The following ZC3HAV1 variants were observed in gnomAD, a reference collection of about 807,000 sequenced individuals.
The protein encoded by ZC3HAV1 is zinc finger CCCH-type antiviral protein 1.
ZC3HAV1 carries 41 observed loss-of-function variants against 86.6 expected under a neutral mutation model. The ratio of observed to expected loss-of-function variants is 0.47; its 90% CI spans 0.37 to 0.61. The LOEUF (loss-of-function observed/expected upper bound fraction) is 0.61. Among genes scored for constraint, ZC3HAV1 ranks in the 20% least tolerant of loss-of-function variants. The pLI, the probability that ZC3HAV1 is intolerant of heterozygous loss-of-function variation, is 0.00. For synonymous variants in ZC3HAV1, 421 were observed against 432.1 expected, an observed-to-expected ratio of 0.97 and a Z score of 0.32; for missense variants, 964 against 1,141.1, an observed-to-expected ratio of 0.84 and a Z score of 2.24.
At chr7:139,056,226 C>T (rs1167290332) in intron 9 of ZC3HAV1, among the ~76,000 whole-genome samples, 1 of 152,132 alleles carries the variant, frequency 6.6e-6, no homozygotes, top group African/African-American at 2.4e-5. Context: ...TCATGGCTCA[C>T]TATATCCTCA....
Position 139,080,258 on chromosome 7 carries a change from A to T in ZC3HAV1, c.698-15T>A. ...TGAAGAAGGAGCTAAGGGGAAAAAAAGCCAAAATGAAACAAAATAATGAAC... is the reference window on the plus strand; with the variant it reads ...TGAAGAAGGAGCTAAGGGGAAAAAATGCCAAAATGAAACAAAATAATGAAC... On this transcript the variant is annotated splice_polypyrimidine_tract_variant and intron_variant, in intron 3 of 12. Transcript: ENST00000242351. The T allele has an allele frequency of 6.2e-7, 1 of 1,611,276 alleles. No individual in the cohort carries two copies.
At chr7:139,097,926 A>C (rs929369395) in intron 1 of ZC3HAV1, among the ~76,000 whole-genome samples, 1 of 150,708 alleles carries the variant, frequency 6.6e-6, no homozygotes, top group Non-Finnish European at 1.5e-5. Context: ...ATTTATCAAA[A>C]CTCTTTAAAC....
At chr7:139,094,755 C>T (rs1406810147) in intron 1 of ZC3HAV1, among the ~76,000 whole-genome samples, 1 of 152,162 alleles carries the variant, frequency 6.6e-6, no homozygotes, top group Non-Finnish European at 1.5e-5. Context: ...TAACCTAACC[C>T]TGGGCCACAC....
chr7:139,109,629 G>T lies in ZC3HAV1; in HGVS notation c.-298C>A. 1 of 333,328 alleles carries T rather than the reference G, an allele frequency of 3.0e-6. No homozygotes were observed. The highest frequency in any genetic ancestry group is 5.5e-6 in the Non-Finnish European group (1 of 181,274). The allele number at this position is 333,328 out of a possible 1,614,324, so 20.6% of individuals were successfully genotyped here. A position where few individuals can be genotyped will look rare whatever the true frequency, so the allele number is the denominator to read the frequency against. Reference sequence around the variant, plus strand: ...GGGCAAATCTGCTGGTGACCGCCTGGGGTGGCCCCCTCTCGGTTCTAGGCT... The same window carrying T: ...GGGCAAATCTGCTGGTGACCGCCTGTGGTGGCCCCCTCTCGGTTCTAGGCT... On this transcript the variant is annotated 5_prime_UTR_variant, in exon 1 of 13. Transcript: ENST00000242351.
chr7:139,064,336 C>T (rs1373313745), intron 8 of ZC3HAV1, among the ~76,000 whole-genome samples: 1 of 152,242 alleles, frequency 6.6e-6, no homozygotes, highest in Non-Finnish European at 1.5e-5. Context: ...TAACTAAACA[C>T]AGCAGGTAGA....
chr7:139,048,478 C>T (rs1816026428), intron 12 of ZC3HAV1, among the ~76,000 whole-genome samples: 1 of 151,760 alleles, frequency 6.6e-6, no homozygotes, highest in African/African-American at 2.4e-5. Context: ...TGGTGGCGTG[C>T]ACTTGTAATC....
intron 4 of ZC3HAV1, 67 bp from the exon 5 acceptor site, chr7:139,078,720 T>C: frequency 6.9e-6 from 8 of 1,167,466 alleles, no homozygotes; most frequent in Non-Finnish European, 9.6e-6. Context: ...AAGCACTTGG[T>C]CTCACAATGG....
At chr7:139,061,745 T>A (rs1391898568) in intron 8 of ZC3HAV1, among the ~76,000 whole-genome samples, 1 of 152,192 alleles carries the variant, frequency 6.6e-6, no homozygotes, top group African/African-American at 2.4e-5. Flanking sequence ...AAAACCTGTA[T>A]CCACACAAAG....
At chr7:139,063,046 A>G (rs1816494078) in intron 8 of ZC3HAV1, among the ~76,000 whole-genome samples, 2 of 150,228 alleles carry the variant, frequency 1.3e-5, no homozygotes, top group Admixed American at 6.6e-5. Context: ...AAAAAAAAAA[A>G]AAAAAGAAAG....
chr7:139,101,482 CAG>C (rs1817765764), intron 1 of ZC3HAV1, among the ~76,000 whole-genome samples: 2 of 42,642 alleles, frequency 4.7e-5, no homozygotes, highest in African/African-American at 9.9e-5. Context: ...AGGAGCGCCT[CAG>C]CCCGGCCACC....
At chr7:139,079,031 G>A (rs895293278) in intron 4 of ZC3HAV1, 1 of 1,512,636 alleles carries the variant, frequency 6.6e-7, no homozygotes, top group Non-Finnish European at 8.8e-7. Context: ...AACATCCAAG[G>A]AAAAACCACC....
Position 139,044,342 on chromosome 7 carries a change from A to G in ZC3HAV1, c.*3252T>C, listed in dbSNP as rs1165968710. The G allele has an allele frequency of 2.6e-5, 4 of 152,092 alleles. No individual in the cohort carries two copies. The South Asian group carries it at 8.3e-4, about 32-fold the overall frequency. 9.4% of individuals were successfully genotyped at this position (152,092 alleles called of 1,614,324 possible). ...AGCCTCTAATCGGCTCTTAAATCCA[A>G]ACCTACTCATTACAAGGAAGAGTAA... On this transcript the variant is annotated 3_prime_UTR_variant, in exon 13 of 13. Transcript: ENST00000242351.
intron 6 of ZC3HAV1, among the ~76,000 whole-genome samples, chr7:139,075,807 T>C (rs1367954989): frequency 6.6e-6 from 1 of 152,232 alleles, no homozygotes; most frequent in Non-Finnish European, 1.5e-5. Flanking sequence ...AAGGGAGGTA[T>C]TAAATGCTAA....
Position 139,079,833 on chromosome 7 carries a change from C to T in ZC3HAV1, c.1108G>A (p.Gly370Ser). ...KSLTSWTNDQ[G>S]ARRKTVFSPT... ...GAAAACACAGTCTTTCTCCTGGCGCCTTGGTCATTCGTCCAGGATGTGAGG... is the reference window on the plus strand; with the variant it reads ...GAAAACACAGTCTTTCTCCTGGCGCTTTGGTCATTCGTCCAGGATGTGAGG... The change falls in exon 4 of 13, where the codon GGC becomes AGC. Residue 370 changes from glycine (G) to serine (S), a missense_variant. Coordinates refer to ENST00000242351, the MANE Select transcript of ZC3HAV1 (RefSeq NM_020119.4). The T allele has an allele frequency of 6.2e-7, 1 of 1,614,128 alleles. No homozygotes were observed. The highest frequency in any genetic ancestry group is 8.5e-7 in the Non-Finnish European group (1 of 1,180,028).
At chr7:139,061,573 C>T (rs1816444643) in intron 8 of ZC3HAV1, among the ~76,000 whole-genome samples, 1 of 152,136 alleles carries the variant, frequency 6.6e-6, no homozygotes, top group Non-Finnish European at 1.5e-5. Context: ...CAAACTGTAA[C>T]CAGAGTGAAC....
chr7:139,106,140 A>G (rs1455439520), intron 1 of ZC3HAV1, among the ~76,000 whole-genome samples: 1 of 151,770 alleles, frequency 6.6e-6, no homozygotes, highest in Non-Finnish European at 1.5e-5. Context: ...TCCCTATATT[A>G]TATATATTCT....
intron 7 of ZC3HAV1, among the ~76,000 whole-genome samples, chr7:139,070,054 A>C (rs983254270): frequency 8.6e-5 from 13 of 150,922 alleles, no homozygotes; most frequent in Non-Finnish European, 1.8e-4. Flanking sequence ...TTTTACTTGG[A>C]CTCCCAGCAA....
chr7:139,054,087 C>A lies in ZC3HAV1; in HGVS notation c.2196G>T (p.Glu732Asp). The change falls in exon 11 of 13, where the codon GAG becomes GAT. Residue 732 changes from glutamate to aspartate, a missense_variant. Transcript: ENST00000242351. ...FLSSKKYKLS[E>D]IHHLHPEYVR... ...CATATTCTGGATGTAGGTGATGGAT[C>A]TCTGACAACTAATAAAGTTTAAAAA... 7 of 1,572,202 alleles carry A rather than the reference C, an allele frequency of 4.5e-6. No homozygotes were observed. The highest frequency in any genetic ancestry group is 5.1e-6 in the Non-Finnish European group (6 of 1,167,828).
At chr7:139,071,576 A>C (rs886411994) in intron 7 of ZC3HAV1, among the ~76,000 whole-genome samples, 5 of 152,210 alleles carry the variant, frequency 3.3e-5, no homozygotes, top group African/African-American at 7.2e-5. Context: ...CAGGCGCCTG[A>C]CAGAATCGCT....
Sources: gnomAD v4.1 joint callset for allele counts (sites outside exome capture counted in the v4.1 genomes callset) on GRCh38, gnomAD v4.1.1 for gene constraint, MANE v1.5 for transcripts, NCBI Gene and HGNC (gene_info 2026-07-23, HGNC 2026-07-21) for gene names.